The following PIK3CA variants were observed in gnomAD, a reference collection of about 807,000 sequenced individuals.
The protein encoded by PIK3CA is phosphatidylinositol 4,5-bisphosphate 3-kinase catalytic subunit alpha isoform.
A neutral mutation model predicts 138.2 loss-of-function variants in PIK3CA; 27 were observed. The observed-to-expected ratio is 0.20, with a 90% CI of 0.14 to 0.27. The LOEUF (loss-of-function observed/expected upper bound fraction) is 0.27, where lower values mean the gene tolerates loss of function less well. Among genes scored for constraint, PIK3CA ranks in the 10% least tolerant of loss-of-function variants. The pLI is 1.00. For synonymous variants in PIK3CA, 358 were observed against 413.2 expected, an observed-to-expected ratio of 0.87 and a Z score of 1.62; for missense variants, 544 against 1,277.4, an observed-to-expected ratio of 0.43 and a Z score of 8.75.
rs2108392545 is a variant in PIK3CA at position 179,203,564 on chromosome 3, G to A, written c.834G>A (p.Met278Ile). 1 of 1,613,818 alleles carries A rather than the reference G, an allele frequency of 6.2e-7. No individual in the cohort carries two copies. The highest frequency in any genetic ancestry group is 8.5e-7 in the Non-Finnish European group (1 of 1,179,910). ...SQYKYIRSCI[M>I]LGRMPNLMLM... is the part of the protein sequence containing the mutation. The stretch of plus-strand genomic sequence containing the variant: ...TACAGTATATAAGAAGCTGTATAAT[G>A]CTTGGGAGGATGCCCAATTTGATGT... The change falls in exon 5 of 21, where the codon ATG (methionine) becomes ATA (isoleucine). Residue 278 changes from methionine to isoleucine, a missense_variant. This residue lies in a region of PIK3CA where 234 missense variants were observed against 401.3 expected (regional missense o/e 0.58). Transcript: ENST00000263967.
intron 9 of PIK3CA, 80 bp from the exon 10 acceptor site, chr3:179,218,130 T>C (rs2108407658): frequency 3.1e-6 from 4 of 1,306,440 alleles, no homozygotes; most frequent in Non-Finnish European, 4.0e-6. Context: ...ATGTATTTGC[T>C]TTTTCTGTAA....
chr3:179,215,238 A>T (rs1415017338), intron 9 of PIK3CA, among the ~76,000 whole-genome samples: 1 of 152,222 alleles, frequency 6.6e-6, no homozygotes, highest in Non-Finnish European at 1.5e-5. Flanking sequence ...ATTTTTCTGC[A>T]TTTAAAAGAT....
At chr3:179,194,251 T>C (rs1724207610) in intron 1 of PIK3CA, among the ~76,000 whole-genome samples, 1 of 152,170 alleles carries the variant, frequency 6.6e-6, no homozygotes, top group African/African-American at 2.4e-5. Context: ...GGAGACAGGG[T>C]CTTGCTCTGT....
chr3:179,150,170 C>CGTGT (rs35995073), intron 1 of PIK3CA, among the ~76,000 whole-genome samples: 11,942 of 147,048 alleles, frequency 0.081, 555 homozygotes, highest in Middle Eastern at 0.13. Flanking sequence ...TGTGTGTTTA[C>CGTGT]GTGTGTGTGT....
intron 9 of PIK3CA, among the ~76,000 whole-genome samples, chr3:179,212,200 G>A (rs2108403180): frequency 6.6e-6 from 1 of 151,678 alleles, no homozygotes; most frequent in Middle Eastern, 3.4e-3. Context: ...TAGAGACGGG[G>A]TGTCTCCATG....
In PIK3CA at chr3:179,199,854, T is replaced by G. The variant is rs764493325; in HGVS notation, c.517T>G (p.Ser173Ala). 1 of 1,612,654 alleles carries G rather than the reference T, an allele frequency of 6.2e-7. No individual in the cohort carries two copies. The highest frequency in any genetic ancestry group is 8.5e-7 in the Non-Finnish European group (1 of 1,178,818). Reference sequence around the variant, plus strand: ...GTATGTCTATCCTCCAAATGTAGAATCTTCACCAGAATTGCCAAAGCACAT... The same window carrying G: ...GTATGTCTATCCTCCAAATGTAGAAGCTTCACCAGAATTGCCAAAGCACAT... ...AMYVYPPNVE[S>A]SPELPKHIYN... The change falls in exon 3 of 21, where the codon TCT becomes GCT. Residue 173 changes from serine (S) to alanine (A), a missense_variant. By Grantham distance (99) the Ser-to-Ala change is moderately conservative (BLOSUM62 1). Around this residue, in one of 14 missense-constraint regions of PIK3CA, gnomAD observed 234 missense variants for 401.3 expected, o/e 0.58. Coordinates refer to ENST00000263967, the MANE Select transcript of PIK3CA (RefSeq NM_006218.4).
At chr3:179,217,868 T>C (rs1724872535) in intron 9 of PIK3CA, among the ~76,000 whole-genome samples, 1 of 152,112 alleles carries the variant, frequency 6.6e-6, no homozygotes, top group Non-Finnish European at 1.5e-5. Flanking sequence ...ACAGATAAGT[T>C]AACAAGATCC....
rs201946684 is a variant in PIK3CA at position 179,210,276 on chromosome 3, G to A, written c.1342G>A (p.Val448Ile). The change falls in exon 8 of 21, where the codon GTA becomes ATA. Residue 448 changes from valine (V) to isoleucine (I), a missense_variant. By Grantham distance (29) the Val-to-Ile change is conservative. Coordinates refer to ENST00000263967, the MANE Select transcript of PIK3CA (RefSeq NM_006218.4). ...SGKMALNLWP[V>I]PHGLEDLLNP... Reference sequence around the variant, plus strand: ...AAAAATGGCTTTGAATCTTTGGCCAGTACCTCATGGATTAGAAGATTTGCT... The same window carrying A: ...AAAAATGGCTTTGAATCTTTGGCCAATACCTCATGGATTAGAAGATTTGCT... 13 of 1,593,672 alleles carry A rather than the reference G, an allele frequency of 8.2e-6. No individual in the cohort carries two copies. Among genetic ancestry groups the A allele is most frequent in the Non-Finnish European group, 9.4e-6 (11 of 1,175,368 alleles).
At chr3:179,186,805 A>G (rs577408263) in intron 1 of PIK3CA, among the ~76,000 whole-genome samples, 19 of 152,206 alleles carry the variant, frequency 1.2e-4, no homozygotes, top group Middle Eastern at 3.4e-3. Context: ...ACCCTTCCGT[A>G]TTTTGCATTT....
At chr3:179,152,019 C>G (rs1371021396) in intron 1 of PIK3CA, among the ~76,000 whole-genome samples, 2 of 152,194 alleles carry the variant, frequency 1.3e-5, no homozygotes, top group Admixed American at 1.3e-4. Context: ...TATTGCCAAG[C>G]ACAGTAGCCT....
At chr3:179,210,059 A>C in intron 7 of PIK3CA, 127 bp from the exon 8 acceptor site, 3 of 671,260 alleles carry the variant, frequency 4.5e-6, no homozygotes, top group South Asian at 2.2e-5. Context: ...TTGAAAAATC[A>C]ATTTTTTTTT....
Position 179,236,694 on chromosome 3 carries a change from T to C in PIK3CA, c.*2330T>C, listed in dbSNP as rs543766145. ...TAAAATGCACAAACCACATGGCCGA[T>C]TTCACCATTTACATTTATTTTCAAA... On this transcript the variant is annotated 3_prime_UTR_variant, in exon 21 of 21. Coordinates refer to ENST00000263967, the MANE Select transcript of PIK3CA (RefSeq NM_006218.4). 4.4e-6 allele frequency: 1 copy of C among 225,400 alleles called. No individual in the cohort carries two copies. Among genetic ancestry groups the C allele is most frequent in the East Asian group, 6.5e-5 (1 of 15,454 alleles). The allele number at this position is 225,400 out of a possible 1,614,324, so 14.0% of individuals were successfully genotyped here.
chr3:179,159,598 A>G (rs539129957), intron 1 of PIK3CA, among the ~76,000 whole-genome samples: 2 of 152,300 alleles, frequency 1.3e-5, no homozygotes, highest in East Asian at 3.9e-4. Flanking sequence ...ACATCAAATT[A>G]ATACAGTAGA....
chr3:179,181,493 T>C (rs966923949), intron 1 of PIK3CA, among the ~76,000 whole-genome samples: 5 of 152,146 alleles, frequency 3.3e-5, no homozygotes, highest in African/African-American at 1.2e-4. Context: ...AAGCACATCT[T>C]AATTAGCTGA....
chr3:179,199,381 G>A (rs1724350422), intron 2 of PIK3CA, among the ~76,000 whole-genome samples: 1 of 152,036 alleles, frequency 6.6e-6, no homozygotes, highest in South Asian at 2.1e-4. Context: ...TTTTATTTAA[G>A]AAATGTCATT....
chr3:179,211,564 GGCTAAGTTAGGAGAATT>G (rs942611673), intron 9 of PIK3CA, among the ~76,000 whole-genome samples: 1 of 152,188 alleles, frequency 6.6e-6, no homozygotes, highest in Non-Finnish European at 1.5e-5. Flanking sequence ...CTACTCGGGA[GGCTAAGTTAGGAGAATT>G]GCTTGAACCC....
At chr3:179,233,365 T>A in intron 20 of PIK3CA, 1 of 398,322 alleles carries the variant, frequency 2.5e-6, no homozygotes, top group Non-Finnish European at 4.4e-6. Flanking sequence ...ACTTTTATTA[T>A]TTTGAGGTAA....
chr3:179,214,911 A>G (rs1272657192), intron 9 of PIK3CA, among the ~76,000 whole-genome samples: 1 of 152,208 alleles, frequency 6.6e-6, no homozygotes, highest in Non-Finnish European at 1.5e-5. Flanking sequence ...GAACCACAGT[A>G]TAATTATCTA....
In PIK3CA at chr3:179,238,696, G is replaced by A. The variant is rs142695005; in HGVS notation, c.*4332G>A. 41 of 226,622 alleles carry A rather than the reference G, an allele frequency of 1.8e-4. No individual in the cohort carries two copies. Among genetic ancestry groups the A allele is most frequent in the African/African-American group, 8.0e-4 (36 of 45,062 alleles). 14.0% of individuals were successfully genotyped at this position (226,622 alleles called of 1,614,324 possible). ...ATAGTTTGAGGAGGTTCCCGAATTC[G>A]GCATTTGAAATTCATTTTGTTCTCT... On this transcript the variant is annotated 3_prime_UTR_variant, in exon 21 of 21. Transcript: ENST00000263967.
Sources: gnomAD v4.1 joint callset for allele counts (sites outside exome capture counted in the v4.1 genomes callset) on GRCh38, gnomAD v4.1.1 for gene constraint, gnomAD v4.1.1 regional missense constraint, MANE v1.5 for transcripts, NCBI Gene and HGNC (gene_info 2026-07-23, HGNC 2026-07-21) for gene names.